The following CUBN variants were observed in gnomAD, a reference collection of about 807,000 sequenced individuals.
The protein encoded by CUBN is cubilin.
Under a neutral mutation model 405.3 loss-of-function variants are expected in CUBN, and 282 were observed. That is an observed-to-expected ratio of 0.70 (90% confidence interval 0.63 to 0.77). The LOEUF (loss-of-function observed/expected upper bound fraction) is 0.77, where lower values mean the gene tolerates loss of function less well. Among genes scored for constraint, CUBN ranks in the 30% least tolerant of loss-of-function variants. CUBN has a pLI of 0.00. For synonymous variants in CUBN, 1,684 were observed against 1,617.0 expected, an observed-to-expected ratio of 1.04 and a Z score of -0.99; for missense variants, 4,514 against 4,475.2, an observed-to-expected ratio of 1.01 and a Z score of -0.25.
intron 43 of CUBN, among the ~76,000 whole-genome samples, chr10:16,921,799 C>A (rs76479669): frequency 6.6e-6 from 1 of 152,200 alleles, no homozygotes. Context: ...AAATGATAAG[C>A]AGTCTGTTGA....
intron 51 of CUBN, 65 bp from the exon 52 acceptor site, chr10:16,901,524 G>A (rs1295299025): frequency 8.8e-6 from 14 of 1,588,568 alleles, no homozygotes; most frequent in Non-Finnish European, 8.6e-7. Flanking sequence ...TAATGCCAAA[G>A]TAAGTAGTAA....
chr10:16,865,747 G>C (rs1355987638), intron 59 of CUBN, among the ~76,000 whole-genome samples: 1 of 152,104 alleles, frequency 6.6e-6, no homozygotes, highest in Admixed American at 6.5e-5. Flanking sequence ...GGGGCAATAA[G>C]GGAATAAAAG....
At chr10:17,004,570 C>T (rs3847369) in intron 28 of CUBN, among the ~76,000 whole-genome samples, 95,618 of 151,988 alleles carry the variant, frequency 0.63, 30,490 homozygotes, top group African/African-American at 0.75. Context: ...CCAAATCATA[C>T]ACCGCAGGAA....
intron 8 of CUBN, 53 bp downstream of exon 8, chr10:17,113,973 TG>T: frequency 6.3e-7 from 1 of 1,580,258 alleles, no homozygotes; most frequent in South Asian, 1.1e-5. Context: ...AAATTGGTTC[TG>T]GCACCTCGCC....
At chr10:16,891,933 C>T (rs956366758) in intron 54 of CUBN, among the ~76,000 whole-genome samples, 23 of 152,146 alleles carry the variant, frequency 1.5e-4, no homozygotes, top group African/African-American at 4.6e-4. Context: ...ACAACTATCT[C>T]AAACAAGGAT....
Position 16,947,371 on chromosome 10 carries a change from G to A in CUBN, c.5210-4C>T, listed in dbSNP as rs750143625. On this transcript the variant is annotated splice_region_variant and splice_polypyrimidine_tract_variant and intron_variant, in intron 35 of 66. Transcript: ENST00000377833. The stretch of plus-strand genomic sequence containing the variant: ...ATGTAGAACGTTCCACCACAAGCTG[G>A]AAGAAAATAGAAATAAAGTGAGTAT... 1.2e-6 allele frequency: 2 copies of A among 1,613,892 alleles called. No homozygotes were observed. The highest frequency in any genetic ancestry group is 1.7e-6 in the Non-Finnish European group (2 of 1,179,940).
chr10:16,909,069 TAG>T (rs745399841), intron 48 of CUBN, among the ~76,000 whole-genome samples: 8 of 151,290 alleles, frequency 5.3e-5, no homozygotes, highest in Non-Finnish European at 1.0e-4. Flanking sequence ...GTATTTTTAG[TAG>T]AGACGGGGTT....
chr10:17,084,787 AC>A (rs1410380708), intron 16 of CUBN, among the ~76,000 whole-genome samples: 6 of 152,242 alleles, frequency 3.9e-5, no homozygotes, highest in Admixed American at 3.9e-4. Flanking sequence ...AAAACATGTA[AC>A]AAAATAAACT....
intron 25 of CUBN, among the ~76,000 whole-genome samples, chr10:17,044,309 T>G (rs1835076920): frequency 6.8e-6 from 1 of 147,790 alleles, no homozygotes; most frequent in Admixed American, 6.8e-5. Flanking sequence ...TTATATATAA[T>G]AAATATATAT....
At chr10:16,951,726 G>A (rs895450099) in intron 33 of CUBN, among the ~76,000 whole-genome samples, 6 of 152,190 alleles carry the variant, frequency 3.9e-5, no homozygotes, top group African/African-American at 1.4e-4. Context: ...TTTATTCAAT[G>A]TTTCTTCTAG....
chr10:16,939,266 T>C, intron 37 of CUBN, 119 bp from the exon 38 acceptor site: 1 of 824,846 alleles, frequency 1.2e-6, no homozygotes, highest in Admixed American at 2.0e-5. Flanking sequence ...TGTGATTTCT[T>C]TTCTGACTAG....
At chr10:16,901,234 C>A in intron 52 of CUBN, 104 bp downstream of exon 52, 2 of 1,484,682 alleles carry the variant, frequency 1.3e-6, no homozygotes, top group South Asian at 1.1e-5. Flanking sequence ...AGAATCAAAG[C>A]CTTCTCTAAT....
intron 14 of CUBN, among the ~76,000 whole-genome samples, chr10:17,096,617 G>T (rs988051731): frequency 1.3e-5 from 2 of 151,932 alleles, no homozygotes; most frequent in Admixed American, 1.3e-4. Flanking sequence ...AATCAGTAAA[G>T]AAATTTAATA....
intron 48 of CUBN, among the ~76,000 whole-genome samples, chr10:16,910,161 T>C (rs1293332269): frequency 1.3e-5 from 2 of 151,944 alleles, no homozygotes; most frequent in Non-Finnish European, 2.9e-5. Context: ...CTTCTCCTTC[T>C]TATTGTTCTT....
chr10:16,989,672 A>G (rs976091568), intron 29 of CUBN, among the ~76,000 whole-genome samples: 1 of 152,030 alleles, frequency 6.6e-6, no homozygotes, highest in African/African-American at 2.4e-5. Context: ...CAAGATTCTC[A>G]AAGACTGTTT....
At chr10:17,027,944 CA>C (rs1164358796) in intron 27 of CUBN, among the ~76,000 whole-genome samples, 9 of 152,034 alleles carry the variant, frequency 5.9e-5, no homozygotes, top group African/African-American at 2.2e-4. Context: ...ACGCCTGTAT[CA>C]AAACACACCA....
intron 36 of CUBN, among the ~76,000 whole-genome samples, chr10:16,942,333 A>G (rs942968000): frequency 6.6e-6 from 1 of 152,186 alleles, no homozygotes; most frequent in African/African-American, 2.4e-5. Context: ...GAAAATAAAA[A>G]CACATGACCA....
At chr10:16,948,390 A>C (rs1452878891) in intron 35 of CUBN, 88 bp downstream of exon 35, 2 of 1,583,658 alleles carry the variant, frequency 1.3e-6, no homozygotes. Flanking sequence ...CTGGCTCCCA[A>C]CTACGAAGGT....
intron 10 of CUBN, among the ~76,000 whole-genome samples, chr10:17,106,468 G>A (rs190095554): frequency 6.6e-6 from 1 of 151,202 alleles, no homozygotes. Context: ...GCGGGGCATG[G>A]TGGCCTGTAG....
Sources: gnomAD v4.1 joint callset for allele counts (sites outside exome capture counted in the v4.1 genomes callset) on GRCh38, gnomAD v4.1.1 for gene constraint, MANE v1.5 for transcripts, NCBI Gene and HGNC (gene_info 2026-07-23, HGNC 2026-07-21) for gene names.